Variants in GLMN observed in about 807,000 individuals in gnomAD.
GLMN encodes the protein glomulin, FKBP associated protein.
In GLMN, 75 loss-of-function variants were observed where a neutral mutation model predicts 87.8. The observed-to-expected ratio is 0.85, with a 90% CI of 0.71 to 1.04. The LOEUF is 1.04. Ranked by LOEUF, GLMN falls within the 50% of genes least tolerant of loss-of-function variation. The probability of loss-of-function intolerance (pLI) is 0.00; values close to 1 mark genes in which losing one functional copy is unlikely to be tolerated. For synonymous variants in GLMN, 206 were observed against 221.6 expected, an observed-to-expected ratio of 0.93 and a Z score of 0.63; for missense variants, 588 against 658.8, an observed-to-expected ratio of 0.89 and a Z score of 1.18.
At chr1:92,357,380 C>T in the GLMN span, among the ~76,000 whole-genome samples, 15 of 152,144 alleles carry the variant, frequency 9.9e-5, no homozygotes, top group Non-Finnish European at 1.8e-4. Context: ...AGTAAAAGAT[C>T]TGTTTGGGGG....
At chr1:92,275,413 C>G (rs1179857531) in intron 7 of GLMN, among the ~76,000 whole-genome samples, 3 of 152,204 alleles carry the variant, frequency 2.0e-5, no homozygotes, top group African/African-American at 7.2e-5. Context: ...CAGCCATTTG[C>G]TCATAAGCCA....
the GLMN span, among the ~76,000 whole-genome samples, chr1:92,329,922 C>T: frequency 3.3e-5 from 5 of 152,118 alleles, no homozygotes; most frequent in Admixed American, 1.3e-4. Flanking sequence ...AATTATAGGA[C>T]TGTTTTCCAA....
At chr1:92,300,334 T>G (rs78799891), upstream of GLMN, 12,193 of 927,072 alleles carry the variant, frequency 0.013, 384 homozygotes, top group African/African-American at 0.11. Context: ...TTTTTTTTTT[T>G]AGAGAAAATT....
chr1:92,321,481 TTTC>T, the GLMN span, among the ~76,000 whole-genome samples: 8 of 152,036 alleles, frequency 5.3e-5, no homozygotes, highest in African/African-American at 1.9e-4. Context: ...TATATATTTT[TTTC>T]TTTACATTTC....
At chr1:92,274,771 A>C (rs1647184594) in intron 7 of GLMN, among the ~76,000 whole-genome samples, 2 of 152,048 alleles carry the variant, frequency 1.3e-5, no homozygotes, top group African/African-American at 4.8e-5. Flanking sequence ...TTTAAACTCC[A>C]ATATCCCATT....
chr1:92,356,295 C>A, the GLMN span, among the ~76,000 whole-genome samples: 11 of 151,780 alleles, frequency 7.2e-5, no homozygotes, highest in African/African-American at 2.7e-4. Context: ...ATATTTTATT[C>A]TGGGAATAAG....
At chr1:92,361,007 C>T in the GLMN span, among the ~76,000 whole-genome samples, 1 of 151,702 alleles carries the variant, frequency 6.6e-6, no homozygotes, top group African/African-American at 2.4e-5. Context: ...CCTTCCCCTG[C>T]CTTCTCACCT....
At chr1:92,330,157 G>A in the GLMN span, among the ~76,000 whole-genome samples, 4 of 152,304 alleles carry the variant, frequency 2.6e-5, no homozygotes, top group South Asian at 8.3e-4. Flanking sequence ...CAGAGAGCAA[G>A]GAAGCCCATT....
At chr1:92,341,979 T>C in the GLMN span, among the ~76,000 whole-genome samples, 1 of 152,214 alleles carries the variant, frequency 6.6e-6, no homozygotes, top group Non-Finnish European at 1.5e-5. Flanking sequence ...ATTTTATTCC[T>C]ATATGCTTAT....
At chr1:92,314,290 A>G in the GLMN span, among the ~76,000 whole-genome samples, 2 of 150,850 alleles carry the variant, frequency 1.3e-5, no homozygotes, top group African/African-American at 4.9e-5. Context: ...TTGAACACTC[A>G]GAGGCCATTG....
chr1:92,291,265 C>G (rs572919554), intron 4 of GLMN, among the ~76,000 whole-genome samples, 153 bp downstream of exon 4: 104 of 152,280 alleles, frequency 6.8e-4, no homozygotes, highest in Non-Finnish European at 1.2e-3. Context: ...AATTGCCTAT[C>G]CAATCAATAA....
At chr1:92,285,080 G>A (rs1648568923) in intron 7 of GLMN, among the ~76,000 whole-genome samples, 1 of 152,142 alleles carries the variant, frequency 6.6e-6, no homozygotes, top group Non-Finnish European at 1.5e-5. Context: ...TCTAGAACTA[G>A]AAATACCATT....
chr1:92,315,670 T>C, the GLMN span, among the ~76,000 whole-genome samples: 1 of 152,202 alleles, frequency 6.6e-6, no homozygotes, highest in African/African-American at 2.4e-5. Context: ...TTGGTATAGA[T>C]GTTTAAATAA....
At chr1:92,264,429 C>T in intron 14 of GLMN, 125 bp downstream of exon 14, 1 of 617,308 alleles carries the variant, frequency 1.6e-6, no homozygotes, top group East Asian at 2.8e-5. Context: ...AAAAATATGC[C>T]TTAATAATAT....
At chr1:92,296,543 T>C (rs1650078571) in intron 3 of GLMN, among the ~76,000 whole-genome samples, 1 of 152,086 alleles carries the variant, frequency 6.6e-6, no homozygotes, top group African/African-American at 2.4e-5. Context: ...TTCAATCACC[T>C]CCACCTGGTC....
the GLMN span, among the ~76,000 whole-genome samples, chr1:92,317,197 G>A: frequency 2.0e-5 from 3 of 151,902 alleles, no homozygotes; most frequent in East Asian, 1.9e-4. Flanking sequence ...TCAAAACTTC[G>A]GTTTCCTCAT....
chr1:92,339,571 T>C, the GLMN span, among the ~76,000 whole-genome samples: 2 of 152,174 alleles, frequency 1.3e-5, no homozygotes. Context: ...TTAGAACTTT[T>C]ACTGAATGGA....
At chr1:92,342,277 A>G in the GLMN span, among the ~76,000 whole-genome samples, 2 of 152,200 alleles carry the variant, frequency 1.3e-5, no homozygotes, top group Non-Finnish European at 2.9e-5. Context: ...TGTCTGTGAA[A>G]CTACAGCAGA....
chr1:92,261,535 T>C (rs1570873682), intron 16 of GLMN, among the ~76,000 whole-genome samples: 1 of 152,086 alleles, frequency 6.6e-6, no homozygotes, highest in South Asian at 2.1e-4. Context: ...CTGGCAGGGG[T>C]GAGTAGCACA....
Sources: allele counts gnomAD v4.1 joint callset (sites outside exome capture counted in the v4.1 genomes callset), GRCh38; gene constraint gnomAD v4.1.1; transcripts MANE v1.5; gene names NCBI Gene and HGNC (gene_info 2026-07-23, HGNC 2026-07-21).